The following ARHGAP35 variants were observed in gnomAD, a reference collection of about 807,000 sequenced individuals.
ARHGAP35 encodes Rho GTPase activating protein 35, also known as rho GTPase-activating protein 35.
Under a neutral mutation model 111.1 loss-of-function variants are expected in ARHGAP35, and 15 were observed. That is an observed-to-expected ratio of 0.13 (90% CI 0.09 to 0.21). The LOEUF is 0.21. ARHGAP35 is among the 10% of genes least tolerant of loss of function. The probability of loss-of-function intolerance (pLI) is 1.00; values close to 1 mark genes in which losing one functional copy is unlikely to be tolerated. For missense variants in ARHGAP35, 1,262 were observed against 1,873.0 expected (o/e 0.67, Z 6.02); for synonymous variants, 643 against 710.3 (o/e 0.91, Z 1.51).
At chr19:46,882,164 C>T (rs770879559) in intron 1 of ARHGAP35, among the ~76,000 whole-genome samples, 6 of 149,840 alleles carry the variant, frequency 4.0e-5, no homozygotes, top group African/African-American at 1.5e-4. Context: ...GACAAGGTTT[C>T]GCTCTGTCAC....
chr19:46,893,106 G>A (rs1179881231), intron 1 of ARHGAP35, among the ~76,000 whole-genome samples: 5 of 152,188 alleles, frequency 3.3e-5, no homozygotes, highest in East Asian at 1.9e-4. Flanking sequence ...ACAAACACCT[G>A]TGTAAGGGAG....
rs544659052 is a variant in ARHGAP35, at chr19:47,003,699, G to A, written c.*3011G>A. The A allele has an allele frequency of 2.0e-5, 3 of 152,298 alleles. No individual in the cohort carries two copies. Among genetic ancestry groups the A allele is most frequent in the East Asian group, 3.9e-4 (2 of 5,184 alleles). The allele number at this position is 152,298 out of a possible 1,614,324, so 9.4% of individuals were successfully genotyped here. ...CGCCTTGGTTTTGCTTCCTGCTGGA[G>A]GCAGGGCACCTGCTGCGACCCAGAT... On this transcript the variant is annotated 3_prime_UTR_variant, in exon 7 of 7. Coordinates refer to ENST00000672722, the MANE Select transcript of ARHGAP35 (RefSeq NM_004491.5).
intron 1 of ARHGAP35, among the ~76,000 whole-genome samples, chr19:46,910,622 C>T (rs565214228): frequency 1.3e-5 from 2 of 151,940 alleles, no homozygotes; most frequent in African/African-American, 4.8e-5. Flanking sequence ...CAGGGTTGCA[C>T]TCTGTTGCCC....
chr19:46,932,928 A>G (rs1434280943), intron 2 of ARHGAP35, among the ~76,000 whole-genome samples: 1 of 152,146 alleles, frequency 6.6e-6, no homozygotes, highest in Non-Finnish European at 1.5e-5. Flanking sequence ...CGTCTCTCTT[A>G]TCGCTCCCAA....
intron 1 of ARHGAP35, among the ~76,000 whole-genome samples, chr19:46,866,807 A>G (rs2055860210): frequency 6.6e-6 from 1 of 152,150 alleles, no homozygotes; most frequent in Non-Finnish European, 1.5e-5. Flanking sequence ...TCACATGGAG[A>G]TTACTTTATA....
At chr19:46,870,384 C>T (rs1390021367) in intron 1 of ARHGAP35, among the ~76,000 whole-genome samples, 4 of 151,688 alleles carry the variant, frequency 2.6e-5, no homozygotes, top group South Asian at 2.1e-4. Context: ...TCGAGACCAC[C>T]GTGGCTAATA....
At chr19:46,981,096 G>A (rs2056618173) in intron 3 of ARHGAP35, among the ~76,000 whole-genome samples, 1 of 152,166 alleles carries the variant, frequency 6.6e-6, no homozygotes, top group African/African-American at 2.4e-5. Context: ...AAAAAGAAGG[G>A]CTTCATACCT....
At chr19:46,905,788 A>C (rs2056104500) in intron 1 of ARHGAP35, among the ~76,000 whole-genome samples, 1 of 151,286 alleles carries the variant, frequency 6.6e-6, no homozygotes, top group African/African-American at 2.4e-5. Flanking sequence ...CTAACCTCAC[A>C]TGATCCGCCC....
chr19:46,984,455 C>T (rs766119842), intron 3 of ARHGAP35, among the ~76,000 whole-genome samples: 16 of 152,190 alleles, frequency 1.1e-4, no homozygotes, highest in Non-Finnish European at 2.2e-4. Flanking sequence ...CGTGCTCTTT[C>T]CAGCGTCCTG....
In ARHGAP35 at chr19:46,921,010, G is replaced by A; in HGVS notation, c.2335G>A (p.Asp779Asn). Residue 779 changes from aspartate to asparagine, a missense_variant, in exon 2 of 7, where the codon GAT becomes AAT. By Grantham distance (23) the Asp-to-Asn change is conservative (BLOSUM62 1). Around this residue, in one of 8 missense-constraint regions of ARHGAP35, gnomAD observed 579 missense variants for 716.9 expected, o/e 0.81. Transcript: ENST00000672722. This position sits in a 1 kb window ranked among gnomAD's most constrained non-coding sequence, Gnocchi z 4.3. Reference sequence around the variant, plus strand: ...TACTGCTAGCATCAAAGATTTGGCTGATGTTGATCTGCGAATTGTTATGTG... The same window carrying A: ...TACTGCTAGCATCAAAGATTTGGCTAATGTTGATCTGCGAATTGTTATGTG... ...SSTASIKDLA[D>N]VDLRIVMCLM... 6.2e-7 allele frequency: 1 copy of A among 1,614,030 alleles called. No homozygotes were observed. Among genetic ancestry groups the A allele is most frequent in the Non-Finnish European group, 8.5e-7 (1 of 1,179,904 alleles).
At chr19:46,973,103 C>T (rs543193166) in intron 3 of ARHGAP35, among the ~76,000 whole-genome samples, 85 of 152,370 alleles carry the variant, frequency 5.6e-4, no homozygotes, top group African/African-American at 2.0e-3. Context: ...TGGCTCACGC[C>T]TGTAATCCCA....
Position 46,910,752 on chromosome 19 carries a change from G to A in ARHGAP35, c.-188-7736G>A, listed in dbSNP as rs529802821. 1.1e-4 allele frequency among the ~76,000 whole-genome samples: 16 copies of A among 152,086 alleles called. No homozygotes were observed. The East Asian group carries it at 2.9e-3, about 28-fold the overall frequency. On this transcript the variant is annotated intron_variant, in intron 1 of 6. Transcript: ENST00000672722. ...CAACAGGTATGCATCACCACAGCCA[G>A]CTAATTTTTTGTATTTTTTGTAGAG...
At chr19:46,961,251 T>C (rs2056480797) in intron 3 of ARHGAP35, among the ~76,000 whole-genome samples, 1 of 152,198 alleles carries the variant, frequency 6.6e-6, no homozygotes, top group African/African-American at 2.4e-5. Flanking sequence ...TCTCAGTCTT[T>C]TGTTAATATA....
chr19:46,940,274 G>A (rs1413626470), intron 3 of ARHGAP35, among the ~76,000 whole-genome samples: 1 of 151,462 alleles, frequency 6.6e-6, no homozygotes, highest in African/African-American at 2.4e-5. Context: ...CAGGAGAATC[G>A]CTTGAACCTG....
chr19:46,920,743 G>A lies in ARHGAP35; in HGVS notation c.2068G>A (p.Asp690Asn), dbSNP rs1271615780. The A allele has an allele frequency of 1.2e-6, 2 of 1,611,646 alleles. No homozygotes were observed. The highest frequency in any genetic ancestry group is 3.4e-5 in the Admixed American group (2 of 59,440). ...TAGAGAGTCCACGCTGGGCCGGCGG[G>A]ATAATCATTTAGTCCATCTCCCCCT... ...KSRESTLGRR[D>N]NHLVHLPLTL... is the part of the protein sequence containing the mutation. The change falls in exon 2 of 7, where the codon GAT becomes AAT. Residue 690 changes from aspartate (D) to asparagine (N), a missense_variant. Asp to Asn is a conservative substitution (Grantham distance 23). This residue lies in a region of ARHGAP35 where 579 missense variants were observed against 716.9 expected (regional missense o/e 0.81). Coordinates refer to ENST00000672722, the MANE Select transcript of ARHGAP35 (RefSeq NM_004491.5). The surrounding 1 kb of genome is among the most constrained non-coding windows in gnomAD (Gnocchi z 7.0).
chr19:46,929,429 GA>G (rs568484673), intron 2 of ARHGAP35, among the ~76,000 whole-genome samples: 257 of 152,180 alleles, frequency 1.7e-3, no homozygotes, highest in Non-Finnish European at 3.2e-3. Context: ...GATTTTCTAA[GA>G]CTCTACCAGT....
At chr19:46,956,582 A>C (rs1005068130) in intron 3 of ARHGAP35, among the ~76,000 whole-genome samples, 3 of 151,678 alleles carry the variant, frequency 2.0e-5, no homozygotes, top group African/African-American at 7.3e-5. Flanking sequence ...ACCACACCCA[A>C]CCGCATCCTC....
At chr19:46,947,146 A>G (rs1029805338) in intron 3 of ARHGAP35, 3 of 152,126 alleles carry the variant, frequency 2.0e-5, no homozygotes, top group East Asian at 1.9e-4. Flanking sequence ...TTCACTTACC[A>G]TCTTTTTTGT....
In ARHGAP35 at chr19:46,961,542, G is replaced by A. The variant is rs186574154; in HGVS notation, c.3826+24134G>A. ...CACAACATGGGTGAATCTCATGGAC[G>A]CGTTGAATAAAAGAAGCCAGAAATA... On this transcript the variant is annotated intron_variant, in intron 3 of 6. Transcript: ENST00000672722. Among the ~76,000 whole-genome samples, 22 of 152,220 alleles carry A rather than the reference G, an allele frequency of 1.4e-4. 1 individual carries two copies. The South Asian group carries it at 1.5e-3, about 10-fold the overall frequency.
Sources: allele counts gnomAD v4.1 joint callset (sites outside exome capture counted in the v4.1 genomes callset), GRCh38; gene constraint gnomAD v4.1.1; regional missense constraint gnomAD v4.1.1; non-coding constraint Gnocchi (gnomAD v3.1); transcripts MANE v1.5; gene names NCBI Gene and HGNC (gene_info 2026-07-23, HGNC 2026-07-21).